RECQL5: variants seen among roughly 807,000 people sequenced by gnomAD.
RECQL5 encodes RecQ like helicase 5.
A neutral mutation model predicts 103.4 loss-of-function variants in RECQL5; 88 were observed. The ratio of observed to expected loss-of-function variants is 0.85; its 90% CI spans 0.72 to 1.02. The LOEUF (loss-of-function observed/expected upper bound fraction) is 1.02, where lower values mean the gene tolerates loss of function less well. RECQL5 is among the 50% of genes least tolerant of loss of function. The pLI is 0.00. For missense variants in RECQL5, 1,232 were observed against 1,284.3 expected (o/e 0.96, Z 0.62); for synonymous variants, 552 against 507.9 (o/e 1.09, Z -1.17).
At chr17:75,650,278 G>A (rs905010302) in intron 8 of RECQL5, 2 of 1,003,854 alleles carry the variant, frequency 2.0e-6, no homozygotes, top group African/African-American at 3.4e-5. Flanking sequence ...CAGCAGTTTG[G>A]AGAAGAAAAT....
intron 7 of RECQL5, among the ~76,000 whole-genome samples, chr17:75,654,634 T>G (rs2059594508): frequency 6.6e-6 from 1 of 152,182 alleles, no homozygotes; most frequent in South Asian, 2.1e-4. Context: ...TATTTATTTT[T>G]TTGGAGACAG....
In RECQL5 at chr17:75,629,134, GCT is replaced by G; in HGVS notation, c.2287_2288del (p.Ser763HisfsTer29). ...LATAAHKDSQSIARFFCRRVE... is the reference protein window; with the variant it reads ...LATAAHKDSQXIARFFCRRVE... Reference sequence around the variant, plus strand: ...CCCTTCGGCAGAAGAAGCGGGCGATGCTCTGAGAATCCTTGTGGGCCGCTGTG... The same window carrying G: ...CCCTTCGGCAGAAGAAGCGGGCGATGCTGAGAATCCTTGTGGGCCGCTGTG... On this transcript the variant is annotated frameshift_variant, in exon 16 of 20. Transcript: ENST00000317905. LOFTEE classifies it high-confidence loss of function. 3 of 1,613,816 alleles carry G rather than the reference GCT, an allele frequency of 1.9e-6. No individual in the cohort carries two copies. The highest frequency in any genetic ancestry group is 1.7e-6 in the Non-Finnish European group (2 of 1,179,994).
intron 7 of RECQL5, among the ~76,000 whole-genome samples, chr17:75,656,225 C>T (rs911982771): frequency 3.3e-5 from 5 of 152,120 alleles, no homozygotes; most frequent in Middle Eastern, 6.8e-3. Context: ...TACAGGCATG[C>T]GCCACCACAC....
rs2148217667 is a variant in RECQL5 at position 75,628,768 on chromosome 17, A to G, written c.2490-6T>C. On this transcript the variant is annotated splice_polypyrimidine_tract_variant and splice_region_variant and intron_variant, in intron 16 of 19. Transcript: ENST00000317905. ...GGTCTCTGGGCGGGCAGGTGCTGGT[A>G]GAGGGAAGAGCAGGCATCACAGCAC... The G allele has an allele frequency of 6.3e-7, 1 of 1,599,786 alleles. No homozygotes were observed.
intron 8 of RECQL5, among the ~76,000 whole-genome samples, chr17:75,632,262 A>G (rs1407384908): frequency 6.6e-6 from 1 of 152,214 alleles, no homozygotes; most frequent in Non-Finnish European, 1.5e-5. Flanking sequence ...TTACAACTGC[A>G]TACGGTACTC....
intron 8 of RECQL5, among the ~76,000 whole-genome samples, chr17:75,632,491 T>A (rs1226437012): frequency 6.6e-6 from 1 of 152,262 alleles, no homozygotes; most frequent in African/African-American, 2.4e-5. Context: ...TGTAGTAATA[T>A]GTCCCATCAT....
Position 75,630,980 on chromosome 17 carries a change from G to C in RECQL5, c.1579C>G (p.Pro527Ala), listed in dbSNP as rs763837183. The C allele has an allele frequency of 1.4e-5, 23 of 1,613,700 alleles. 1 individual carries two copies. The Admixed American group carries it at 3.2e-4, about 22-fold the overall frequency. ...GKDPKIEEFV[P>A]PDENCPLKEA... ...GGAACATTTCTGTACTGACCTGGGG[G>C]TACAAATTCTTCTATCTTGGGGTCT... is the stretch of plus-strand genomic sequence containing the variant. Residue 527 changes from proline (P) to alanine (A), a missense_variant, in exon 11 of 20, where the codon CCC becomes GCC. Pro to Ala is a conservative substitution (Grantham distance 27). Transcript: ENST00000317905.
intron 6 of RECQL5, 98 bp from the exon 7 acceptor site, chr17:75,658,558 T>G (rs1006695868): frequency 1.8e-6 from 2 of 1,128,596 alleles, no homozygotes; most frequent in African/African-American, 1.5e-5. Context: ...GGCCAGCAGA[T>G]AGGGAGGGAG....
chr17:75,631,072 G>T, intron 10 of RECQL5, 62 bp from the exon 11 acceptor site: 1 of 1,611,180 alleles, frequency 6.2e-7, no homozygotes, highest in Non-Finnish European at 8.5e-7. Flanking sequence ...GTCCCATCCA[G>T]CACCAGAGAA....
At chr17:75,633,780 C>G in intron 8 of RECQL5, 1 of 1,013,748 alleles carries the variant, frequency 9.9e-7, no homozygotes, top group Non-Finnish European at 1.2e-6. Context: ...GGAGCCTCCC[C>G]AGGGTCCTCC....
At chr17:75,629,881 GCTC>G (rs1276152156) in intron 14 of RECQL5, 39 bp from the exon 15 acceptor site, 1 of 1,566,830 alleles carries the variant, frequency 6.4e-7, no homozygotes, top group Non-Finnish European at 8.7e-7. Flanking sequence ...GCACCCGCCA[GCTC>G]CTCCTGACAT....
At chr17:75,639,502 G>A (rs1231191386) in intron 8 of RECQL5, 1 of 152,236 alleles carries the variant, frequency 6.6e-6, no homozygotes, top group African/African-American at 2.4e-5. Context: ...TAGAGAAACA[G>A]ATGACGCCAG....
chr17:75,631,200 G>A lies in RECQL5; in HGVS notation c.1498C>T (p.His500Tyr). 2.5e-6 allele frequency: 4 copies of A among 1,613,978 alleles called. No individual in the cohort carries two copies. Among genetic ancestry groups the A allele is most frequent in the East Asian group, 2.2e-5 (1 of 44,886 alleles). Residue 500 changes from histidine (H) to tyrosine (Y), a missense_variant, in exon 10 of 20, where the codon CAC (histidine) becomes TAC (tyrosine). His to Tyr is a moderately conservative substitution (Grantham distance 83, BLOSUM62 2). Transcript: ENST00000317905. Reference sequence around the variant, plus strand: ...TAGAAGAGGTTCCACTCCCGCTTGTGGGCCTCATCTCTGCCTTCATCCCCG... The same window carrying A: ...TAGAAGAGGTTCCACTCCCGCTTGTAGGCCTCATCTCTGCCTTCATCCCCG... ...GSGDEGRDEA[H>Y]KREWNLFYQK... is the part of the protein sequence containing the mutation.
In RECQL5 at chr17:75,630,259, C is replaced by T; in HGVS notation, c.1737G>A (p.Lys579=). 1 of 1,560,784 alleles carries T rather than the reference C, an allele frequency of 6.4e-7. No individual in the cohort carries two copies. The highest frequency in any genetic ancestry group is 8.7e-7 in the Non-Finnish European group (1 of 1,151,528). ...RTADEADLRA[K]AVELEHETFR... Reference sequence around the variant, plus strand: ...ATGTCTCATGTTCCAGCTCCACGGCCTTGGCCCGGAGGTCAGCTCTGTGGG... The same window carrying T: ...ATGTCTCATGTTCCAGCTCCACGGCTTTGGCCCGGAGGTCAGCTCTGTGGG... Residue 579 remains lysine, a synonymous_variant, in exon 14 of 20, where the codon AAG becomes AAA. Transcript: ENST00000317905.
At chr17:75,630,477 G>A (rs1163727300) in intron 13 of RECQL5, 142 bp downstream of exon 13, 3 of 982,498 alleles carry the variant, frequency 3.1e-6, no homozygotes, top group Admixed American at 4.3e-5. Context: ...GCCCTGGTGG[G>A]GTTGTAGGGG....
rs760851276 is a variant in RECQL5, at chr17:75,629,820, G to C, written c.1835C>G (p.Ser612Cys). ...CATGTCATAGGGCTGCCCATCCTTG[G>C]AGGCTCTGTGGATATCGGCCACCTG... ...LKKVADIHRASKDGQPYDMGG... is the reference protein window; with the variant it reads ...LKKVADIHRACKDGQPYDMGG... The change falls in exon 15 of 20, where the codon TCC becomes TGC. Residue 612 changes from serine to cysteine, a missense_variant. Physicochemically the swap from Ser to Cys is moderately radical, Grantham distance 112. Coordinates refer to ENST00000317905, the MANE Select transcript of RECQL5 (RefSeq NM_004259.7). The C allele has an allele frequency of 2.5e-5, 40 of 1,612,490 alleles. No individual in the cohort carries two copies. In the South Asian group the frequency reaches 4.1e-4, roughly 16 times the overall value.
chr17:75,639,898 C>T, intron 8 of RECQL5: 1 of 318,314 alleles, frequency 3.1e-6, no homozygotes, highest in Non-Finnish European at 5.8e-6. Context: ...ACAGCGAAGC[C>T]AGAAACCACC....
At position 75,641,138 on chromosome 17, in the gene RECQL5, G is replaced by A. The variant is rs1599020720; in HGVS notation, c.1230-9470C>T. 8.1e-6 allele frequency: 5 copies of A among 615,990 alleles called. No individual in the cohort carries two copies. The East Asian group carries it at 1.2e-4, about 15-fold the overall frequency. 38.2% of individuals were successfully genotyped at this position (615,990 alleles called of 1,614,324 possible). On this transcript the variant is annotated intron_variant, in intron 8 of 19. Coordinates refer to ENST00000317905, the MANE Select transcript of RECQL5 (RefSeq NM_004259.7). ...GTGCTGGGGAGTCAGCTGTTTCAAA[G>A]ACTGGGTCAACTGCCTGGGCTTCTT...
chr17:75,643,309 A>C (rs1284272767), intron 8 of RECQL5, among the ~76,000 whole-genome samples: 1 of 152,240 alleles, frequency 6.6e-6, no homozygotes, highest in Non-Finnish European at 1.5e-5. Flanking sequence ...TTGTTAGAAA[A>C]TATTCTGCTT....
Sources: allele counts gnomAD v4.1 joint callset (sites outside exome capture counted in the v4.1 genomes callset), GRCh38; gene constraint gnomAD v4.1.1; transcripts MANE v1.5; gene names NCBI Gene and HGNC (gene_info 2026-07-23, HGNC 2026-07-21).